The following STK38L variants were observed in gnomAD, a reference collection of about 807,000 sequenced individuals.
STK38L encodes the protein serine/threonine kinase 38 like.
In STK38L, 28 loss-of-function variants were observed where a neutral mutation model predicts 59.7. The observed-to-expected ratio is 0.47, with a 90% CI of 0.35 to 0.64. The LOEUF is 0.64. Among genes scored for constraint, STK38L ranks in the 30% least tolerant of loss-of-function variants. STK38L has a pLI of 0.01. For missense variants in STK38L, 314 were observed against 555.8 expected, an observed-to-expected ratio of 0.56 and a Z score of 4.37; for synonymous variants, 162 against 176.8, an observed-to-expected ratio of 0.92 and a Z score of 0.66.
intron 3 of STK38L, among the ~76,000 whole-genome samples, chr12:27,307,689 G>A (rs970494685): frequency 6.6e-6 from 1 of 152,202 alleles, no homozygotes; most frequent in Non-Finnish European, 1.5e-5. Flanking sequence ...AATGTAACCT[G>A]CAGGTATTTC....
At chr12:27,247,068 C>T (rs921400332) in intron 1 of STK38L, among the ~76,000 whole-genome samples, 4 of 152,120 alleles carry the variant, frequency 2.6e-5, no homozygotes, top group African/African-American at 7.2e-5. Flanking sequence ...TAGGAAAAGG[C>T]GTTTCTGTGG....
At chr12:27,317,476 G>A (rs758675950) in intron 10 of STK38L, 23 bp downstream of exon 10, 6 of 1,523,178 alleles carry the variant, frequency 3.9e-6, no homozygotes, top group African/African-American at 2.8e-5. Flanking sequence ...ATTCATTTAT[G>A]TACAAAATAT....
At chr12:27,314,890 C>A in intron 7 of STK38L, 125 bp from the exon 8 acceptor site, 2 of 885,274 alleles carry the variant, frequency 2.3e-6, no homozygotes, top group Non-Finnish European at 3.3e-6. Context: ...TAAAATTTTA[C>A]ATTTTACGTG....
chr12:27,300,415 G>A (rs192313450), intron 2 of STK38L: 26 of 383,366 alleles, frequency 6.8e-5, no homozygotes, highest in Non-Finnish European at 9.9e-5. Flanking sequence ...TCCAGAATGA[G>A]GAATGATTTC....
At chr12:27,256,386 A>G (rs1279080398) in intron 1 of STK38L, among the ~76,000 whole-genome samples, 1 of 152,048 alleles carries the variant, frequency 6.6e-6, no homozygotes, top group Non-Finnish European at 1.5e-5. Flanking sequence ...CTGAACCACT[A>G]GCTTTCTTGT....
chr12:27,288,364 A>G (rs1565538476), intron 1 of STK38L, among the ~76,000 whole-genome samples: 2 of 152,168 alleles, frequency 1.3e-5, no homozygotes, highest in Non-Finnish European at 1.5e-5. Context: ...TGACGGACCC[A>G]TATTCTTTAT....
chr12:27,308,268 T>C lies in STK38L; in HGVS notation c.187-71T>C, dbSNP rs1364439938. 2.2e-6 allele frequency: 3 copies of C among 1,365,296 alleles called. No individual in the cohort carries two copies. Among genetic ancestry groups the C allele is most frequent in the Non-Finnish European group, 2.9e-6 (3 of 1,031,434 alleles). The allele number at this position is 1,365,296 out of a possible 1,614,324, so 84.6% of individuals were successfully genotyped here. A position where few individuals can be genotyped will look rare whatever the true frequency, so the allele number is the denominator to read the frequency against. The stretch of plus-strand genomic sequence containing the variant: ...TCATTTATTTTTACGTGTATCATCT[T>C]TTAATACTAGAAGCTCCATCAAAAC... On this transcript the variant is annotated intron_variant, in intron 3 of 13. Transcript: ENST00000389032. The surrounding 1 kb of genome is among the most constrained non-coding windows in gnomAD (Gnocchi z 4.5).
intron 1 of STK38L, among the ~76,000 whole-genome samples, chr12:27,275,029 T>G (rs1943503363): frequency 6.6e-6 from 1 of 152,174 alleles, no homozygotes; most frequent in Admixed American, 6.5e-5. Context: ...CCCAACAATC[T>G]AAATTGTAAA....
At chr12:27,250,804 T>G (rs1482399264) in intron 1 of STK38L, among the ~76,000 whole-genome samples, 2 of 151,780 alleles carry the variant, frequency 1.3e-5, no homozygotes, top group Admixed American at 1.3e-4. Flanking sequence ...ATTGAGACCA[T>G]CCTGGCTAAC....
chr12:27,295,536 T>C (rs1217016772), intron 1 of STK38L, among the ~76,000 whole-genome samples: 1 of 152,240 alleles, frequency 6.6e-6, no homozygotes, highest in Admixed American at 6.5e-5. Flanking sequence ...CAACTACTGT[T>C]ACTGCGCCCC....
rs943007860 is a variant in STK38L at position 27,301,793 on chromosome 12, C to G, written c.135-344C>G. Among the ~76,000 whole-genome samples the G allele has an allele frequency of 2.6e-5, 4 of 152,124 alleles. No homozygotes were observed. The South Asian group carries it at 8.3e-4, about 32-fold the overall frequency. On this transcript the variant is annotated intron_variant, in intron 2 of 13. Coordinates refer to ENST00000389032, the MANE Select transcript of STK38L (RefSeq NM_015000.4). ...TCAGTATAGTTATCTTTTTATATTTCTAATATAAGCATTGGGAAATATTAA... is the reference window on the plus strand; with the variant it reads ...TCAGTATAGTTATCTTTTTATATTTGTAATATAAGCATTGGGAAATATTAA...
chr12:27,322,082 T>G (rs2136654688), intron 12 of STK38L, 61 bp from the exon 13 acceptor site: 1 of 1,431,360 alleles, frequency 7.0e-7, no homozygotes, highest in South Asian at 1.2e-5. Flanking sequence ...CAAGTAGAAT[T>G]ATTTGTTGGA....
chr12:27,284,057 C>G (rs764004981), intron 1 of STK38L, among the ~76,000 whole-genome samples: 2 of 152,186 alleles, frequency 1.3e-5, no homozygotes, highest in Non-Finnish European at 2.9e-5. Context: ...AATTGTCATT[C>G]TTTGGTCATC....
In STK38L at chr12:27,281,698, A is replaced by G. The variant is rs187115681; in HGVS notation, c.-11-16012A>G. Among the ~76,000 whole-genome samples the G allele has an allele frequency of 3.0e-4, 46 of 152,278 alleles. No homozygotes were observed. The East Asian group carries it at 8.3e-3, about 27-fold the overall frequency. Reference sequence around the variant, plus strand: ...TGGAGATAAGGATAATGCTTAGTTGATTTCCAGATAATCATGATCTAAGCT... The same window carrying G: ...TGGAGATAAGGATAATGCTTAGTTGGTTTCCAGATAATCATGATCTAAGCT... On this transcript the variant is annotated intron_variant, in intron 1 of 13. Coordinates refer to ENST00000389032, the MANE Select transcript of STK38L (RefSeq NM_015000.4).
rs16931871 is a variant in STK38L at position 27,317,090 on chromosome 12, C to T, written c.838-246C>T. On this transcript the variant is annotated intron_variant, in intron 9 of 13. Coordinates refer to ENST00000389032, the MANE Select transcript of STK38L (RefSeq NM_015000.4). ...GGACACTCTATAAATATTTGTTCAA[C>T]TAAGTGATGAAAGGAAAACTAATTC... Among the ~76,000 whole-genome samples, 766 of 152,204 alleles carry T rather than the reference C, an allele frequency of 5.0e-3. 11 individuals are homozygous for T. The highest frequency in any genetic ancestry group is 0.017 in the African/African-American group (723 of 41,538).
At chr12:27,295,333 T>C (rs1044488530) in intron 1 of STK38L, among the ~76,000 whole-genome samples, 3 of 152,178 alleles carry the variant, frequency 2.0e-5, no homozygotes, top group Admixed American at 6.5e-5. Flanking sequence ...AGAGCAAATA[T>C]TTTAAGCCCT....
intron 2 of STK38L, among the ~76,000 whole-genome samples, chr12:27,300,756 G>C (rs1479498055): frequency 6.6e-6 from 1 of 152,212 alleles, no homozygotes; most frequent in African/African-American, 2.4e-5. Flanking sequence ...ATGTGTTGGA[G>C]AATATGCTCT....
chr12:27,259,924 A>C (rs1467670289), intron 1 of STK38L, among the ~76,000 whole-genome samples: 1 of 152,196 alleles, frequency 6.6e-6, no homozygotes, highest in Non-Finnish European at 1.5e-5. Context: ...TTGTGCAGCC[A>C]GTCTTTTCAG....
chr12:27,259,696 C>T (rs1489334263), intron 1 of STK38L, among the ~76,000 whole-genome samples: 1 of 152,112 alleles, frequency 6.6e-6, no homozygotes, highest in Non-Finnish European at 1.5e-5. Flanking sequence ...AACCAACGTA[C>T]TCAGCCTTTT....
Sources: gnomAD v4.1 joint callset for allele counts (sites outside exome capture counted in the v4.1 genomes callset) on GRCh38, gnomAD v4.1.1 for gene constraint, Gnocchi (gnomAD v3.1) non-coding constraint, MANE v1.5 for transcripts, NCBI Gene and HGNC (gene_info 2026-07-23, HGNC 2026-07-21) for gene names.